BTD: variants seen among roughly 807,000 people sequenced by gnomAD.
BTD encodes biocytinase.
A neutral mutation model predicts 17.7 loss-of-function variants in BTD; 13 were observed. The observed-to-expected ratio is 0.74, with a 90% CI of 0.48 to 1.17. The LOEUF is 1.17. Among genes scored for constraint, BTD ranks in the 50% most tolerant of loss-of-function variants. The probability of loss-of-function intolerance (pLI) is 0.00; values close to 1 mark genes in which losing one functional copy is unlikely to be tolerated. For missense variants in BTD, 674 were observed against 650.4 expected, an observed-to-expected ratio of 1.04 and a Z score of -0.39; for synonymous variants, 240 against 245.2, an observed-to-expected ratio of 0.98 and a Z score of 0.20.
chr3:15,710,621 T>C (rs375016300), exon 4 of BTD, among the ~76,000 whole-genome samples: 149 of 152,328 alleles, frequency 9.8e-4, no homozygotes, highest in African/African-American at 3.5e-3. Context: ...ATGAATTAAA[T>C]GGCTTATCAC....
chr3:15,644,917 C>T lies in BTD; in HGVS notation c.1001C>T (p.Thr334Met), dbSNP rs535651486. ...GGTGCAGAGAATGCAACAGGTGAAA[C>T]GGACCCATCCCATAGTAAGTTTTTA... is the stretch of plus-strand genomic sequence containing the variant. ...LIGAENATGE[T>M]DPSHSKFLKI... The change falls in exon 4 of 4, where the codon ACG becomes ATG. Residue 334 changes from threonine to methionine, a missense_variant. By Grantham distance (81) the Thr-to-Met change is moderately conservative. Transcript: ENST00000643237. 3.2e-5 allele frequency: 51 copies of T among 1,614,056 alleles called. No individual in the cohort carries two copies. Among genetic ancestry groups the T allele is most frequent in the East Asian group, 4.5e-5 (2 of 44,886 alleles).
chr3:15,630,686 T>G (rs1335371259), intron 1 of BTD, among the ~76,000 whole-genome samples: 3 of 152,064 alleles, frequency 2.0e-5, no homozygotes, highest in Admixed American at 2.0e-4. Flanking sequence ...ATAGCTGGAA[T>G]TTTTTTTGAA....
chr3:15,677,104 T>C (rs370858006), intron 3 of BTD: 6 of 1,412,600 alleles, frequency 4.2e-6, no homozygotes, highest in Non-Finnish European at 6.0e-6. Context: ...CCATTAAAGA[T>C]ACATTTATAC....
intron 1 of BTD, chr3:15,632,501 G>C (rs1347591127): frequency 6.6e-6 from 1 of 152,290 alleles, no homozygotes; most frequent in Non-Finnish European, 1.5e-5. Flanking sequence ...CCTTCCTGCA[G>C]TTTACTCTCC....
At chr3:15,715,928 A>G (rs1275443435), downstream of BTD, among the ~76,000 whole-genome samples, 1 of 152,012 alleles carries the variant, frequency 6.6e-6, no homozygotes, top group Non-Finnish European at 1.5e-5. Flanking sequence ...TCTTTCCAAA[A>G]TGTTCCAGAT....
chr3:15,683,343 T>G (rs1478184146), intron 3 of BTD, among the ~76,000 whole-genome samples: 1 of 152,198 alleles, frequency 6.6e-6, no homozygotes, highest in Non-Finnish European at 1.5e-5. Flanking sequence ...TCAAGTCACA[T>G]TACAGAAACA....
intron 1 of BTD, among the ~76,000 whole-genome samples, chr3:15,634,762 A>T (rs1312155533): frequency 6.6e-6 from 1 of 152,270 alleles, no homozygotes; most frequent in Admixed American, 6.5e-5. Flanking sequence ...AGGAGAAAAA[A>T]TAACATGCTT....
exon 4 of BTD, among the ~76,000 whole-genome samples, chr3:15,712,689 T>C (rs1002117672): frequency 4.6e-5 from 7 of 152,222 alleles, no homozygotes; most frequent in African/African-American, 1.2e-4. Flanking sequence ...AATTCTGTAA[T>C]AGTGAAAAAC....
At chr3:15,670,638 C>A (rs1575058242) in intron 3 of BTD, 2 of 1,301,034 alleles carry the variant, frequency 1.5e-6, no homozygotes, top group East Asian at 5.0e-5. Context: ...TAAAGTACTT[C>A]AACTTTAGAC....
At chr3:15,691,886 T>A (rs185559707) in intron 3 of BTD, among the ~76,000 whole-genome samples, 9 of 152,242 alleles carry the variant, frequency 5.9e-5, no homozygotes. Flanking sequence ...CCCAGCACTT[T>A]GGGGAGGCTG....
At chr3:15,641,835 A>C (rs555617176) in intron 2 of BTD, 73 bp from the exon 3 acceptor site, 85 of 1,166,224 alleles carry the variant, frequency 7.3e-5, no homozygotes, top group Non-Finnish European at 1.0e-4. Flanking sequence ...AAGAATGAAC[A>C]GAAGAATGAA....
intron 3 of BTD, among the ~76,000 whole-genome samples, chr3:15,663,028 G>A (rs559361611): frequency 4.0e-5 from 6 of 151,100 alleles, no homozygotes; most frequent in South Asian, 2.1e-4. Context: ...ACGGAGTTTC[G>A]CTCTTGTCAT....
At chr3:15,661,892 T>C (rs2065929048) in intron 3 of BTD, among the ~76,000 whole-genome samples, 1 of 152,254 alleles carries the variant, frequency 6.6e-6, no homozygotes, top group African/African-American at 2.4e-5. Flanking sequence ...CTGTCTTCAC[T>C]CTGTCACATT....
At chr3:15,601,463 T>C, upstream of BTD, 1 of 1,612,886 alleles carries the variant, frequency 6.2e-7, no homozygotes, top group Non-Finnish European at 8.5e-7. Context: ...CTGTCCGGCA[T>C]CTTCCACCGA....
chr3:15,625,765 C>T (rs1174716477), intron 1 of BTD, among the ~76,000 whole-genome samples: 1 of 152,152 alleles, frequency 6.6e-6, no homozygotes, highest in East Asian at 1.9e-4. Flanking sequence ...CCGTGTTAGC[C>T]AGGATGGTCT....
At chr3:15,690,609 A>G (rs1183255353) in intron 3 of BTD, among the ~76,000 whole-genome samples, 1 of 152,110 alleles carries the variant, frequency 6.6e-6, no homozygotes, top group East Asian at 1.9e-4. Flanking sequence ...CTGTTGCCCC[A>G]GCTGGAGTCC....
In BTD at chr3:15,635,774, C is replaced by A. The variant is rs2065332421; in HGVS notation, c.249+86C>A. The stretch of plus-strand genomic sequence containing the variant: ...TGATCAGTGGTTGGGTAATCCCAGG[C>A]TTCCTACCACCCTCTGAAAAAGCAT... On this transcript the variant is annotated intron_variant, in intron 2 of 3. Coordinates refer to ENST00000643237, the MANE Select transcript of BTD (RefSeq NM_001370658.1). This position sits in a 1 kb window ranked among gnomAD's most constrained non-coding sequence, Gnocchi z 4.1. The A allele has an allele frequency of 1.3e-6, 2 of 1,582,326 alleles. No individual in the cohort carries two copies. Among genetic ancestry groups the A allele is most frequent in the Admixed American group, 1.7e-5 (1 of 59,796 alleles).
chr3:15,602,069 G>T (rs945344417), intron 1 of BTD, 175 bp downstream of exon 1: 39 of 1,444,722 alleles, frequency 2.7e-5, no homozygotes, highest in Non-Finnish European at 3.5e-5. Context: ...GTGCTACCGC[G>T]TTGCGTTTTC....
At chr3:15,655,750 G>A (rs1369341242), downstream of BTD, among the ~76,000 whole-genome samples, 1 of 152,200 alleles carries the variant, frequency 6.6e-6, no homozygotes, top group Non-Finnish European at 1.5e-5. Context: ...TTTTCTAATA[G>A]TAAATAAGAA....
Sources: gnomAD v4.1 joint callset for allele counts (sites outside exome capture counted in the v4.1 genomes callset) on GRCh38, gnomAD v4.1.1 for gene constraint, Gnocchi (gnomAD v3.1) non-coding constraint, MANE v1.5 for transcripts, NCBI Gene and HGNC (gene_info 2026-07-23, HGNC 2026-07-21) for gene names.